CA1: variants seen among roughly 807,000 people sequenced by gnomAD.
CA1 encodes carbonate dehydratase I.
In CA1, 27 loss-of-function variants were observed where a neutral mutation model predicts 28.8. That is an observed-to-expected ratio of 0.94 (90% CI 0.69 to 1.29). The LOEUF (loss-of-function observed/expected upper bound fraction) is 1.29. Ranked by LOEUF, CA1 falls within the 50% of genes most tolerant of loss-of-function variation. The pLI is 0.00. For missense variants in CA1, 335 were observed against 310.5 expected (o/e 1.08, Z -0.59); for synonymous variants, 121 against 108.8 (o/e 1.11, Z -0.70).
intron 1 of CA1, among the ~76,000 whole-genome samples, chr8:85,359,465 A>C (rs1442998233): frequency 6.6e-6 from 1 of 152,200 alleles, no homozygotes; most frequent in African/African-American, 2.4e-5. Flanking sequence ...ACTCTTAAAA[A>C]TAGAAAGACG....
At chr8:85,335,689 G>A (rs2130165807) in intron 4 of CA1, among the ~76,000 whole-genome samples, 1 of 152,266 alleles carries the variant, frequency 6.6e-6, no homozygotes, top group South Asian at 2.1e-4. Context: ...TTAGATGAGA[G>A]AGTCACTAAT....
At chr8:85,356,888 A>T (rs1374077735) in intron 1 of CA1, among the ~76,000 whole-genome samples, 1 of 152,210 alleles carries the variant, frequency 6.6e-6, no homozygotes, top group Non-Finnish European at 1.5e-5. Context: ...TGAGCTCTAA[A>T]ACCATTGACA....
At position 85,362,809 on chromosome 8, in the gene CA1, TTC is replaced by T. The variant is rs576947642; in HGVS notation, c.-25+15235_-25+15236del. 8.5e-5 allele frequency among the ~76,000 whole-genome samples: 13 copies of T among 152,344 alleles called. No individual in the cohort carries two copies. In the South Asian group the frequency reaches 2.7e-3, roughly 32 times the overall value. Reference sequence around the variant, plus strand: ...AAGAGTCATCCATTGATTCTATTGATTCTATTGAAATTTTTAGGCAGATAACT... The same window carrying T: ...AAGAGTCATCCATTGATTCTATTGATTATTGAAATTTTTAGGCAGATAACT... On this transcript the variant is annotated intron_variant, in intron 1 of 7. Coordinates refer to ENST00000523022, the MANE Select transcript of CA1 (RefSeq NM_001128831.4).
Position 85,338,380 on chromosome 8 carries a change from G to A in CA1, c.107C>T (p.Thr36Ile). ...AGAGGTGTCATGTTTGGTTTCACTG[G>A]TTTTAATATCAACAGGGGACTGGTT... ...GNNQSPVDIKTSETKHDTSLK... is the reference protein window; with the variant it reads ...GNNQSPVDIKISETKHDTSLK... Residue 36 changes from threonine to isoleucine, a missense_variant, in exon 3 of 8, where the codon ACC (threonine) becomes ATC (isoleucine). Transcript: ENST00000523022. 4.3e-6 allele frequency: 7 copies of A among 1,613,898 alleles called. No individual in the cohort carries two copies. Among genetic ancestry groups the A allele is most frequent in the Non-Finnish European group, 5.9e-6 (7 of 1,179,854 alleles).
intron 2 of CA1, 54 bp downstream of exon 2, chr8:85,341,545 T>C: frequency 9.4e-7 from 1 of 1,060,806 alleles, no homozygotes; most frequent in South Asian, 1.3e-5. Flanking sequence ...ATCTTTTCTG[T>C]TGGAAATGGG....
chr8:85,336,295 A>G (rs1051894713), intron 4 of CA1, among the ~76,000 whole-genome samples: 1 of 152,246 alleles, frequency 6.6e-6, no homozygotes, highest in Non-Finnish European at 1.5e-5. Flanking sequence ...CACATGTATT[A>G]TATAATTCAT....
chr8:85,357,120 T>C (rs1226702105), intron 1 of CA1, among the ~76,000 whole-genome samples: 1 of 152,218 alleles, frequency 6.6e-6, no homozygotes, highest in African/African-American at 2.4e-5. Flanking sequence ...AAATAAAGAC[T>C]ATAAATAGCT....
At chr8:85,340,842 C>T (rs927911984) in intron 2 of CA1, among the ~76,000 whole-genome samples, 2 of 152,086 alleles carry the variant, frequency 1.3e-5, no homozygotes, top group Non-Finnish European at 2.9e-5. Flanking sequence ...AGACCCTCCA[C>T]CATCAAAAAG....
At chr8:85,340,512 C>T (rs939562098) in intron 2 of CA1, among the ~76,000 whole-genome samples, 11 of 152,186 alleles carry the variant, frequency 7.2e-5, no homozygotes, top group African/African-American at 2.7e-4. Context: ...CTTATGCCTG[C>T]TAACACAGCA....
At chr8:85,352,433 A>G (rs1459971512) in intron 1 of CA1, among the ~76,000 whole-genome samples, 1 of 152,128 alleles carries the variant, frequency 6.6e-6, no homozygotes, top group African/African-American at 2.4e-5. Flanking sequence ...TGGAAGCTAG[A>G]TTTAGGTTAG....
chr8:85,345,257 G>A (rs1564030427), intron 1 of CA1, among the ~76,000 whole-genome samples: 1 of 152,074 alleles, frequency 6.6e-6, no homozygotes, highest in Non-Finnish European at 1.5e-5. Flanking sequence ...TGTGCTTGCT[G>A]TCCTGCTGTC....
Position 85,328,604 on chromosome 8 carries a change from G to A in CA1, c.742C>T (p.Pro248Ser). ...GTTCTGCCCTTCAGAGGTTGGGTTG[G>A]GCGGTTGTTGTGCTGCATGGGGACA... Reference protein sequence around the residue: ...NAVPMQHNNRPTQPLKGRTVR... With the variant: ...NAVPMQHNNRSTQPLKGRTVR... Residue 248 changes from proline to serine, a missense_variant, in exon 8 of 8, where the codon CCA becomes TCA. Pro to Ser is a moderately conservative substitution (Grantham distance 74, BLOSUM62 -1). Transcript: ENST00000523022. 1.9e-6 allele frequency: 3 copies of A among 1,611,974 alleles called. No individual in the cohort carries two copies. Among genetic ancestry groups the A allele is most frequent in the South Asian group, 1.1e-5 (1 of 90,900 alleles).
chr8:85,347,609 G>C lies in CA1; in HGVS notation c.-24-5950C>G, dbSNP rs1277820065. 2.0e-5 allele frequency among the ~76,000 whole-genome samples: 3 copies of C among 152,122 alleles called. No homozygotes were observed. In the East Asian group the frequency reaches 5.8e-4, roughly 29 times the overall value. On this transcript the variant is annotated intron_variant, in intron 1 of 7. Coordinates refer to ENST00000523022, the MANE Select transcript of CA1 (RefSeq NM_001128831.4). ...TCCAAACAGACATCAATGACATCAA[G>C]ACCTCTTTTGGGTCAGGCAGCTGAG...
intron 1 of CA1, among the ~76,000 whole-genome samples, chr8:85,355,549 CTTTT>C (rs11353842): frequency 8.3e-5 from 9 of 108,700 alleles, no homozygotes; most frequent in Admixed American, 1.9e-4. Context: ...TGTCTAGTTC[CTTTT>C]TTTTTTTTTT....
chr8:85,342,347 A>G (rs890825611), intron 1 of CA1, among the ~76,000 whole-genome samples: 3 of 152,202 alleles, frequency 2.0e-5, no homozygotes, highest in African/African-American at 7.2e-5. Flanking sequence ...ATAGCTCTAT[A>G]TAATTTATAA....
At chr8:85,373,007 T>C (rs1810286111) in intron 1 of CA1, among the ~76,000 whole-genome samples, 1 of 152,176 alleles carries the variant, frequency 6.6e-6, no homozygotes. Flanking sequence ...AGTCCTTCCT[T>C]TAAGTGAAAA....
chr8:85,335,118 A>G (rs1808596018), intron 4 of CA1, among the ~76,000 whole-genome samples: 1 of 152,156 alleles, frequency 6.6e-6, no homozygotes, highest in South Asian at 2.1e-4. Context: ...ACTTATTGCA[A>G]TTTCCTCTGA....
chr8:85,336,775 C>T (rs1808671654), intron 4 of CA1, among the ~76,000 whole-genome samples, 170 bp downstream of exon 4: 1 of 152,114 alleles, frequency 6.6e-6, no homozygotes, highest in Non-Finnish European at 1.5e-5. Context: ...AATTTTCTCT[C>T]TCTTGCCAAA....
intron 1 of CA1, among the ~76,000 whole-genome samples, chr8:85,347,453 C>A (rs1308362423): frequency 6.6e-5 from 10 of 152,184 alleles, no homozygotes; most frequent in Admixed American, 6.5e-4. Context: ...AAGTCTTCAA[C>A]AATCAAATTT....
Sources: gnomAD v4.1 joint callset for allele counts (sites outside exome capture counted in the v4.1 genomes callset) on GRCh38, gnomAD v4.1.1 for gene constraint, MANE v1.5 for transcripts, NCBI Gene and HGNC (gene_info 2026-07-23, HGNC 2026-07-21) for gene names.